The following MAPKAP1 variants were observed in gnomAD, a reference collection of about 807,000 sequenced individuals.
MAPKAP1 encodes MAPK associated protein 1.
Under a neutral mutation model 65.7 loss-of-function variants are expected in MAPKAP1, and 20 were observed. The ratio of observed to expected loss-of-function variants is 0.30; its 90% confidence interval spans 0.21 to 0.44. MAPKAP1 has a LOEUF of 0.44. Among genes scored for constraint, MAPKAP1 ranks in the 20% least tolerant of loss-of-function variants. The probability of loss-of-function intolerance (pLI) is 1.00; values close to 1 mark genes in which losing one functional copy is unlikely to be tolerated. For missense variants in MAPKAP1, 423 were observed against 648.0 expected (o/e 0.65, Z 3.77); for synonymous variants, 222 against 244.3 (o/e 0.91, Z 0.85).
chr9:125,551,729 T>A (rs973303734), intron 6 of MAPKAP1, among the ~76,000 whole-genome samples: 1 of 151,800 alleles, frequency 6.6e-6, no homozygotes, highest in African/African-American at 2.4e-5. Flanking sequence ...TCAACACATA[T>A]AAGGTAATAA....
At chr9:125,600,819 G>A (rs936203106) in intron 4 of MAPKAP1, among the ~76,000 whole-genome samples, 18 of 152,072 alleles carry the variant, frequency 1.2e-4, no homozygotes, top group African/African-American at 4.1e-4. Flanking sequence ...AAGCCATGAT[G>A]GGATTCTGTA....
intron 8 of MAPKAP1, among the ~76,000 whole-genome samples, chr9:125,489,515 T>C (rs1854623423): frequency 6.6e-6 from 1 of 152,184 alleles, no homozygotes; most frequent in African/African-American, 2.4e-5. Flanking sequence ...AATAGTGACT[T>C]GAGCACCACA....
chr9:125,511,665 T>C (rs1829304720), intron 7 of MAPKAP1, among the ~76,000 whole-genome samples: 1 of 152,178 alleles, frequency 6.6e-6, no homozygotes, highest in Non-Finnish European at 1.5e-5. Context: ...AAAGACAAAC[T>C]GTGAGGTCAA....
chr9:125,552,789 GTTT>G (rs1830620725), intron 6 of MAPKAP1, among the ~76,000 whole-genome samples: 1 of 152,144 alleles, frequency 6.6e-6, no homozygotes, highest in Non-Finnish European at 1.5e-5. Context: ...TTAAAAACCT[GTTT>G]TCTAACGGTG....
chr9:125,570,233 G>A (rs1180574656), intron 5 of MAPKAP1, among the ~76,000 whole-genome samples: 1 of 152,194 alleles, frequency 6.6e-6, no homozygotes, highest in Non-Finnish European at 1.5e-5. Flanking sequence ...AAAGGAGGGA[G>A]GTTTAGGGCA....
intron 8 of MAPKAP1, among the ~76,000 whole-genome samples, chr9:125,494,560 T>G (rs774529697): frequency 5.9e-5 from 9 of 152,206 alleles, no homozygotes; most frequent in Admixed American, 3.3e-4. Flanking sequence ...GTTTCAGGTT[T>G]GTAGAATTTC....
At chr9:125,624,654 G>A (rs1319656527) in intron 4 of MAPKAP1, among the ~76,000 whole-genome samples, 18 of 68,996 alleles carry the variant, frequency 2.6e-4, no homozygotes, top group South Asian at 7.3e-4. Flanking sequence ...CGCCCCGTCC[G>A]GGAGGTGAGG....
At position 125,578,378 on chromosome 9, in the gene MAPKAP1, T is replaced by C. The variant is rs947475193; in HGVS notation, c.671+7177A>G. On this transcript the variant is annotated intron_variant, in intron 5 of 11. Transcript: ENST00000265960. Reference sequence around the variant, plus strand: ...GCTGACCTTCCCTCCACTATTGTCCTGTGACCCTGCCAAATCCCCCTCTGC... The same window carrying C: ...GCTGACCTTCCCTCCACTATTGTCCCGTGACCCTGCCAAATCCCCCTCTGC... Among the ~76,000 whole-genome samples, 607 of 151,978 alleles carry C rather than the reference T, an allele frequency of 4.0e-3. 3 individuals carry two copies. The highest frequency in any genetic ancestry group is 7.5e-3 in the Non-Finnish European group (513 of 67,964).
intron 3 of MAPKAP1, among the ~76,000 whole-genome samples, chr9:125,669,455 G>C (rs1834435711): frequency 6.6e-6 from 1 of 152,060 alleles, no homozygotes; most frequent in African/African-American, 2.4e-5. Context: ...ACTCCGGCCT[G>C]GGCAAAAAGA....
At chr9:125,490,005 G>A (rs1007973946) in intron 8 of MAPKAP1, among the ~76,000 whole-genome samples, 3 of 152,054 alleles carry the variant, frequency 2.0e-5, no homozygotes, top group South Asian at 2.1e-4. Context: ...GTTAAAGGCT[G>A]CTCCTGCCCT....
At chr9:125,469,054 A>G (rs1853796212) in intron 9 of MAPKAP1, among the ~76,000 whole-genome samples, 1 of 152,184 alleles carries the variant, frequency 6.6e-6, no homozygotes, top group South Asian at 2.1e-4. Flanking sequence ...GCTGAAAATT[A>G]AGGAATCTGT....
In MAPKAP1 at chr9:125,641,849, T is replaced by A. The variant is rs143610567; in HGVS notation, c.498+15802A>T. On this transcript the variant is annotated intron_variant, in intron 4 of 11. Transcript: ENST00000265960. ...GAGATCAAGACCAGCCTCACCAACA[T>A]GGTGAAACCCCATCTCTACTAAAAA... is the stretch of plus-strand genomic sequence containing the variant. Among the ~76,000 whole-genome samples the A allele has an allele frequency of 4.2e-3, 640 of 152,048 alleles. 6 individuals are homozygous for A. Among genetic ancestry groups the A allele is most frequent in the African/African-American group, 0.015 (604 of 41,458 alleles).
chr9:125,622,855 G>A (rs902333858), intron 4 of MAPKAP1, among the ~76,000 whole-genome samples: 2 of 151,952 alleles, frequency 1.3e-5, no homozygotes, highest in Non-Finnish European at 2.9e-5. Flanking sequence ...CTCTCATGCG[G>A]AGCCGAAGCT....
chr9:125,497,846 T>C (rs1828853226), intron 8 of MAPKAP1, among the ~76,000 whole-genome samples: 1 of 152,258 alleles, frequency 6.6e-6, no homozygotes, highest in African/African-American at 2.4e-5. Context: ...CCACTTTCTC[T>C]CTTAAAGCTG....
At chr9:125,682,698 C>G (rs909017096) in intron 1 of MAPKAP1, among the ~76,000 whole-genome samples, 1 of 152,108 alleles carries the variant, frequency 6.6e-6, no homozygotes, top group African/African-American at 2.4e-5. Context: ...CTAGTTTTAC[C>G]TAAACTGAAG....
At chr9:125,651,056 T>A (rs1833878887) in intron 4 of MAPKAP1, among the ~76,000 whole-genome samples, 1 of 152,148 alleles carries the variant, frequency 6.6e-6, no homozygotes, top group Non-Finnish European at 1.5e-5. Flanking sequence ...AGCCTCAACC[T>A]CCTGGGCTCA....
Position 125,570,801 on chromosome 9 carries a change from A to G in MAPKAP1, c.672-10992T>C, listed in dbSNP as rs187944206. 2.2e-3 allele frequency among the ~76,000 whole-genome samples: 339 copies of G among 152,338 alleles called. 1 individual carries two copies. Among genetic ancestry groups the G allele is most frequent in the Non-Finnish European group, 4.2e-3 (283 of 68,022 alleles). ...GAAAGGTTTATAAAAAGTAACTTTAAGAGATTCAGTGTGTGAACATATTGG... is the reference window on the plus strand; with the variant it reads ...GAAAGGTTTATAAAAAGTAACTTTAGGAGATTCAGTGTGTGAACATATTGG... On this transcript the variant is annotated intron_variant, in intron 5 of 11. Transcript: ENST00000265960.
chr9:125,473,389 C>G (rs1457742007), intron 9 of MAPKAP1, among the ~76,000 whole-genome samples: 4 of 152,146 alleles, frequency 2.6e-5, no homozygotes, highest in African/African-American at 9.7e-5. Context: ...TTTCATGCTC[C>G]CACTTCTGAC....
chr9:125,563,643 TG>T (rs1192944122), intron 5 of MAPKAP1, among the ~76,000 whole-genome samples: 5 of 152,168 alleles, frequency 3.3e-5, no homozygotes, highest in African/African-American at 1.2e-4. Context: ...AACAAACATT[TG>T]TTGAATAAAT....
Sources: gnomAD v4.1 joint callset for allele counts (sites outside exome capture counted in the v4.1 genomes callset) on GRCh38, gnomAD v4.1.1 for gene constraint, MANE v1.5 for transcripts, NCBI Gene and HGNC (gene_info 2026-07-23, HGNC 2026-07-21) for gene names.